PCDH7: variants seen among roughly 807,000 people sequenced by gnomAD.
The protein encoded by PCDH7 is protocadherin-7.
A neutral mutation model predicts 58.9 loss-of-function variants in PCDH7; 17 were observed. The observed-to-expected ratio is 0.29, with a 90% CI of 0.20 to 0.43. The LOEUF (loss-of-function observed/expected upper bound fraction) is 0.43. Ranked by LOEUF, PCDH7 falls within the 20% of genes least tolerant of loss-of-function variation. The pLI is 1.00. For missense variants in PCDH7, 1,274 were observed against 1,441.0 expected (o/e 0.88, Z 1.88); for synonymous variants, 664 against 616.4 (o/e 1.08, Z -1.14).
intron 3 of PCDH7, among the ~76,000 whole-genome samples, chr4:31,064,959 C>A (rs1029029961): frequency 1.3e-5 from 2 of 151,886 alleles, no homozygotes; most frequent in Non-Finnish European, 2.9e-5. Flanking sequence ...TCCATGGTCA[C>A]TAATTAAGAT....
intron 1 of PCDH7, among the ~76,000 whole-genome samples, chr4:30,873,817 A>G (rs996945785): frequency 1.3e-5 from 2 of 152,002 alleles, no homozygotes; most frequent in Admixed American, 1.3e-4. Context: ...TTGCTTAATT[A>G]TATTTGGAGG....
chr4:30,752,783 C>CAAA (rs35860745), intron 1 of PCDH7, among the ~76,000 whole-genome samples: 28 of 99,522 alleles, frequency 2.8e-4, no homozygotes, highest in Non-Finnish European at 4.4e-4. Flanking sequence ...CCTGTAGGGG[C>CAAA]AAAAAAAAAA....
At chr4:31,018,494 T>G (rs968412318) in intron 3 of PCDH7, among the ~76,000 whole-genome samples, 1 of 152,212 alleles carries the variant, frequency 6.6e-6, no homozygotes, top group Non-Finnish European at 1.5e-5. Context: ...CTATATATGA[T>G]ATCTAGCTTT....
chr4:30,734,338 T>C (rs1317671328), downstream of PCDH7, among the ~76,000 whole-genome samples: 9 of 151,398 alleles, frequency 5.9e-5, no homozygotes, highest in East Asian at 1.7e-3. Context: ...GTTCAAGCGA[T>C]TCTTCTGCCT....
At chr4:30,992,804 T>C (rs990482796) in intron 3 of PCDH7, among the ~76,000 whole-genome samples, 1 of 143,916 alleles carries the variant, frequency 6.9e-6, no homozygotes, top group East Asian at 2.0e-4. Context: ...TTTTTTTTTT[T>C]TTTTTTTTTT....
At chr4:31,034,066 C>G (rs1038454275) in intron 3 of PCDH7, among the ~76,000 whole-genome samples, 2 of 151,976 alleles carry the variant, frequency 1.3e-5, no homozygotes, top group African/African-American at 4.8e-5. Context: ...TGCACTCCAG[C>G]CTGGGTGACA....
intron 1 of PCDH7, among the ~76,000 whole-genome samples, chr4:30,870,874 C>G (rs1410427467): frequency 6.6e-6 from 1 of 152,084 alleles, no homozygotes; most frequent in African/African-American, 2.4e-5. Context: ...GTTATTACCA[C>G]TGGATTTTGC....
chr4:30,856,191 C>CAA (rs35107601), intron 1 of PCDH7, among the ~76,000 whole-genome samples: 26 of 148,796 alleles, frequency 1.7e-4, no homozygotes, highest in African/African-American at 3.2e-4. Flanking sequence ...AACAGATTAC[C>CAA]AAAAAAAAAA....
chr4:30,839,131 T>C (rs1362799550), intron 1 of PCDH7, among the ~76,000 whole-genome samples: 1 of 151,814 alleles, frequency 6.6e-6, no homozygotes, highest in Non-Finnish European at 1.5e-5. Context: ...TATATAATAA[T>C]CACAATTGCT....
At chr4:31,040,791 C>T (rs73216797) in intron 3 of PCDH7, among the ~76,000 whole-genome samples, 11,393 of 152,052 alleles carry the variant, frequency 0.075, 616 homozygotes, top group East Asian at 0.23. Flanking sequence ...AGATAAATCC[C>T]CTCTGGCATA....
chr4:30,992,790 A>G (rs1390036853), intron 3 of PCDH7, among the ~76,000 whole-genome samples: 1 of 137,584 alleles, frequency 7.3e-6, no homozygotes, highest in African/African-American at 2.9e-5. Flanking sequence ...CTACTGTCCC[A>G]TTCTTTTTTT....
chr4:30,769,998 G>A (rs892595820), intron 1 of PCDH7, among the ~76,000 whole-genome samples: 55 of 152,168 alleles, frequency 3.6e-4, no homozygotes, highest in African/African-American at 1.2e-3. Flanking sequence ...AATTTAGCCT[G>A]AAGTGGCCAA....
rs146055333 is a variant in PCDH7 at position 30,903,214 on chromosome 4, A to G, written c.71-16939A>G. ...TTTCTTCTGAAAAGCTTAAGTTTTTATATAAATAACTCATCCTCTTAATAT... is the reference window on the plus strand; with the variant it reads ...TTTCTTCTGAAAAGCTTAAGTTTTTGTATAAATAACTCATCCTCTTAATAT... On this transcript the variant is annotated intron_variant, in intron 1 of 3. Coordinates refer to the PCDH7 transcript ENST00000509759. 4.5e-4 allele frequency among the ~76,000 whole-genome samples: 68 copies of G among 152,214 alleles called. 1 individual carries two copies. In the East Asian group the frequency reaches 0.013, roughly 29 times the overall value.
intron 1 of PCDH7, among the ~76,000 whole-genome samples, chr4:30,888,036 C>T (rs1012963627): frequency 3.3e-5 from 5 of 151,804 alleles, no homozygotes; most frequent in East Asian, 1.9e-4. Flanking sequence ...CCACCAAGCC[C>T]GACTAATTTT....
chr4:31,133,784 T>C (rs911948143), intron 3 of PCDH7, among the ~76,000 whole-genome samples: 3 of 152,198 alleles, frequency 2.0e-5, no homozygotes, highest in African/African-American at 7.2e-5. Context: ...CTGCTTGAGA[T>C]GTGGCGTACA....
chr4:30,878,115 A>T (rs1022047825), intron 1 of PCDH7, among the ~76,000 whole-genome samples: 8 of 152,114 alleles, frequency 5.3e-5, no homozygotes, highest in African/African-American at 1.9e-4. Flanking sequence ...TGGCTTATAC[A>T]AAGGAGGAAT....
At chr4:30,868,512 G>C (rs149865524) in intron 1 of PCDH7, among the ~76,000 whole-genome samples, 312 of 152,026 alleles carry the variant, frequency 2.1e-3, no homozygotes, top group African/African-American at 7.3e-3. Context: ...ATTTTATGAT[G>C]TTTATTCAAA....
At chr4:30,877,912 T>C (rs1736487404) in intron 1 of PCDH7, among the ~76,000 whole-genome samples, 2 of 152,168 alleles carry the variant, frequency 1.3e-5, no homozygotes, top group Admixed American at 1.3e-4. Flanking sequence ...ATGGGAACTC[T>C]GAATTGCCAT....
chr4:31,130,871 C>G (rs1718898555), intron 3 of PCDH7, among the ~76,000 whole-genome samples: 1 of 152,162 alleles, frequency 6.6e-6, no homozygotes, highest in African/African-American at 2.4e-5. Context: ...GTCAGGTCAT[C>G]CAGTATAATC....
Sources: allele counts gnomAD v4.1 joint callset (sites outside exome capture counted in the v4.1 genomes callset), GRCh38; gene constraint gnomAD v4.1.1; transcripts MANE v1.5; gene names NCBI Gene and HGNC (gene_info 2026-07-23, HGNC 2026-07-21).